ILRUN: variants seen among roughly 807,000 people sequenced by gnomAD.
ILRUN encodes inflammation and lipid regulator with UBA-like and NBR1-like domains.
In ILRUN, 3 loss-of-function variants were observed where a neutral mutation model predicts 33.8. That is an observed-to-expected ratio of 0.09 (90% CI 0.04 to 0.23). The LOEUF (loss-of-function observed/expected upper bound fraction) is 0.23. Ranked by LOEUF, ILRUN falls within the 10% of genes least tolerant of loss-of-function variation. The pLI, the probability that ILRUN is intolerant of heterozygous loss-of-function variation, is 1.00. For synonymous variants in ILRUN, 124 were observed against 138.9 expected (o/e 0.89, Z 0.75); for missense variants, 210 against 375.1 (o/e 0.56, Z 3.64).
intron 3 of ILRUN, among the ~76,000 whole-genome samples, chr6:34,609,824 GA>G (rs751815069): frequency 1.1e-4 from 16 of 152,128 alleles, no homozygotes; most frequent in Non-Finnish European, 1.2e-4. Context: ...GCACTAGTAT[GA>G]CTCACAGGAA....
At chr6:34,601,706 C>CG (rs1040250934) in intron 4 of ILRUN, among the ~76,000 whole-genome samples, 4 of 143,694 alleles carry the variant, frequency 2.8e-5, no homozygotes, top group Middle Eastern at 3.2e-3. Context: ...CCAGTACCCG[C>CG]CCCCCCAACT....
chr6:34,695,353 G>C (rs187804606), intron 1 of ILRUN, among the ~76,000 whole-genome samples: 39 of 152,356 alleles, frequency 2.6e-4, no homozygotes, highest in African/African-American at 8.2e-4. Flanking sequence ...TGCTTCACCT[G>C]AAATCCTTTC....
intron 3 of ILRUN, among the ~76,000 whole-genome samples, chr6:34,614,441 A>ATATATAT (rs1210392851): frequency 8.9e-6 from 1 of 111,992 alleles, no homozygotes; most frequent in East Asian, 2.3e-4. Context: ...TAAAAAAAAA[A>ATATATAT]AAATATATAT....
chr6:34,618,658 T>A (rs897951313), intron 3 of ILRUN, among the ~76,000 whole-genome samples: 2 of 152,236 alleles, frequency 1.3e-5, no homozygotes, highest in African/African-American at 4.8e-5. Flanking sequence ...GCTACAGGCT[T>A]GTTCCTGGTG....
At chr6:34,661,746 C>T (rs1423828558) in intron 1 of ILRUN, among the ~76,000 whole-genome samples, 1 of 152,104 alleles carries the variant, frequency 6.6e-6, no homozygotes, top group Non-Finnish European at 1.5e-5. Context: ...AAGTTTGTTA[C>T]TTTCAACATA....
chr6:34,695,404 G>A (rs1763743004), intron 1 of ILRUN, among the ~76,000 whole-genome samples: 1 of 152,220 alleles, frequency 6.6e-6, no homozygotes, highest in Non-Finnish European at 1.5e-5. Context: ...CTGCCTCTGA[G>A]TGAATCCAAC....
intron 1 of ILRUN, among the ~76,000 whole-genome samples, chr6:34,659,806 A>G (rs1348467103): frequency 6.6e-6 from 1 of 151,732 alleles, no homozygotes; most frequent in Non-Finnish European, 1.5e-5. Context: ...TTTTTAGTAG[A>G]GACGGGGTTT....
intron 3 of ILRUN, among the ~76,000 whole-genome samples, chr6:34,611,078 CCTTTCTTT>C (rs754299089): frequency 0.012 from 1,665 of 141,832 alleles, 16 homozygotes; most frequent in Middle Eastern, 0.022. Context: ...CCTCTCCTTT[CCTTTCTTT>C]CTTTCTTTCT....
intron 4 of ILRUN, among the ~76,000 whole-genome samples, chr6:34,602,456 CA>C (rs1220764455): frequency 1.3e-5 from 2 of 152,276 alleles, no homozygotes; most frequent in African/African-American, 4.8e-5. Flanking sequence ...TGTTTTTCAT[CA>C]GTTTCGCACT....
intron 1 of ILRUN, among the ~76,000 whole-genome samples, chr6:34,659,575 T>C (rs1762845794): frequency 6.6e-6 from 1 of 150,696 alleles, no homozygotes; most frequent in Non-Finnish European, 1.5e-5. Flanking sequence ...TTCACAAACA[T>C]AGAACATTTA....
rs1017774504 is a variant in ILRUN, at chr6:34,592,801, C to T, written c.862-2201G>A. On this transcript the variant is annotated intron_variant, in intron 4 of 4. Transcript: ENST00000374023. The surrounding 1 kb of genome is among the most constrained non-coding windows in gnomAD (Gnocchi z 4.0). Reference sequence around the variant, plus strand: ...ATCTAGAACTACCCAAGGAAAGCAACAAAAACTTTAATTCCCTTAAGGTTT... The same window carrying T: ...ATCTAGAACTACCCAAGGAAAGCAATAAAAACTTTAATTCCCTTAAGGTTT... Among the ~76,000 whole-genome samples the T allele has an allele frequency of 6.6e-6, 1 of 152,020 alleles. No individual in the cohort carries two copies. Among genetic ancestry groups the T allele is most frequent in the South Asian group, 2.1e-4 (1 of 4,822 alleles).
intron 1 of ILRUN, among the ~76,000 whole-genome samples, chr6:34,679,143 G>T (rs1452201684): frequency 7.8e-6 from 1 of 128,186 alleles, no homozygotes; most frequent in African/African-American, 2.7e-5. Context: ...AATAAAAATT[G>T]GGAGGAAAAA....
intron 3 of ILRUN, among the ~76,000 whole-genome samples, chr6:34,609,182 G>C (rs576942764): frequency 6.6e-6 from 1 of 152,142 alleles, no homozygotes; most frequent in African/African-American, 2.4e-5. Context: ...TTTAATTTGG[G>C]CTGTATATCA....
At chr6:34,642,825 C>A (rs1481447315) in intron 3 of ILRUN, among the ~76,000 whole-genome samples, 7 of 42,990 alleles carry the variant, frequency 1.6e-4, no homozygotes, top group East Asian at 7.6e-4. Context: ...CCGTCTCTAC[C>A]AAAAAAAAAA....
At chr6:34,613,618 G>T (rs1041048802) in intron 3 of ILRUN, among the ~76,000 whole-genome samples, 1 of 152,178 alleles carries the variant, frequency 6.6e-6, no homozygotes, top group Non-Finnish European at 1.5e-5. Flanking sequence ...CCTCACTTTT[G>T]AAGATATTAT....
At chr6:34,670,842 C>T (rs1463812776) in intron 1 of ILRUN, among the ~76,000 whole-genome samples, 1 of 121,336 alleles carries the variant, frequency 8.2e-6, no homozygotes, top group East Asian at 2.7e-4. Flanking sequence ...GAGACCCTGT[C>T]TCAAAAAAAA....
chr6:34,643,862 C>A (rs540540762), intron 3 of ILRUN, among the ~76,000 whole-genome samples: 4 of 152,092 alleles, frequency 2.6e-5, no homozygotes, highest in Non-Finnish European at 5.9e-5. Flanking sequence ...GCCAACTGCC[C>A]GGCTAATTTT....
intron 3 of ILRUN, among the ~76,000 whole-genome samples, chr6:34,640,041 G>A (rs1238954766): frequency 6.6e-6 from 1 of 152,000 alleles, no homozygotes; most frequent in Non-Finnish European, 1.5e-5. Context: ...GTGGGAAGGG[G>A]TATCAAAATC....
chr6:34,624,525 G>T (rs1258517594), intron 3 of ILRUN, among the ~76,000 whole-genome samples: 2 of 151,570 alleles, frequency 1.3e-5, no homozygotes, highest in South Asian at 2.1e-4. Flanking sequence ...GTAAAGATGG[G>T]GTTTCACCAT....
Sources: allele counts gnomAD v4.1 joint callset (sites outside exome capture counted in the v4.1 genomes callset), GRCh38; gene constraint gnomAD v4.1.1; non-coding constraint Gnocchi (gnomAD v3.1); transcripts MANE v1.5; gene names NCBI Gene and HGNC (gene_info 2026-07-23, HGNC 2026-07-21).